The following ZFHX3 variants were observed in gnomAD, a reference collection of about 807,000 sequenced individuals.
The protein encoded by ZFHX3 is zinc finger homeobox protein 3.
A neutral mutation model predicts 279.1 loss-of-function variants in ZFHX3; 42 were observed. The observed-to-expected ratio is 0.15, with a 90% CI of 0.12 to 0.19. The LOEUF (loss-of-function observed/expected upper bound fraction) is 0.19, where lower values mean the gene tolerates loss of function less well. Among genes scored for constraint, ZFHX3 ranks in the 10% least tolerant of loss-of-function variants. The pLI is 1.00. For synonymous variants in ZFHX3, 2,293 were observed against 1,957.8 expected, an observed-to-expected ratio of 1.17 and a Z score of -4.52; for missense variants, 4,981 against 4,754.0, an observed-to-expected ratio of 1.05 and a Z score of -1.40.
intron 4 of ZFHX3, among the ~76,000 whole-genome samples, chr16:72,867,706 TAG>T (rs751331554): frequency 2.5e-4 from 30 of 121,686 alleles, no homozygotes; most frequent in Admixed American, 1.5e-3. Context: ...ACCCCCAGAG[TAG>T]ACTCTTTGAC....
intron 3 of ZFHX3, among the ~76,000 whole-genome samples, chr16:73,407,558 T>G (rs1471826527): frequency 6.6e-6 from 1 of 152,158 alleles, no homozygotes; most frequent in Non-Finnish European, 1.5e-5. Context: ...GACCACAGCA[T>G]GAGGGAGTGG....
intron 5 of ZFHX3, among the ~76,000 whole-genome samples, chr16:73,167,843 C>T (rs1967408658): frequency 6.6e-6 from 1 of 152,212 alleles, no homozygotes; most frequent in African/African-American, 2.4e-5. Flanking sequence ...TGAACCTTTT[C>T]AGACACTTCT....
At chr16:73,146,145 C>A (rs1033659646) in intron 5 of ZFHX3, among the ~76,000 whole-genome samples, 1 of 152,098 alleles carries the variant, frequency 6.6e-6, no homozygotes, top group South Asian at 2.1e-4. Flanking sequence ...AAAAAATGAT[C>A]TGGGCCGGGT....
intron 1 of ZFHX3, among the ~76,000 whole-genome samples, chr16:73,692,377 C>A (rs1326175892): frequency 1.3e-5 from 2 of 152,102 alleles, no homozygotes; most frequent in Admixed American, 6.6e-5. Flanking sequence ...GTGTTTAACA[C>A]CCTTTTTATA....
intron 5 of ZFHX3, among the ~76,000 whole-genome samples, chr16:73,242,777 C>G (rs1248018174): frequency 6.6e-6 from 1 of 152,186 alleles, no homozygotes; most frequent in Non-Finnish European, 1.5e-5. Flanking sequence ...ACAAGCCTGT[C>G]TTAACGAGCG....
At position 73,797,807 on chromosome 16, in the gene ZFHX3, C is replaced by CTTT. The variant is rs35369374; in HGVS notation, c.-1608+93841_-1608+93843dup. Among the ~76,000 whole-genome samples, 138 of 82,900 alleles carry CTTT rather than the reference C, an allele frequency of 1.7e-3. 1 individual carries two copies. Among genetic ancestry groups the CTTT allele is most frequent in the African/African-American group, 4.2e-3 (89 of 21,394 alleles). 54.4% of individuals were successfully genotyped at this position (82,900 alleles called of 152,430 possible). A position where few individuals can be genotyped will look rare whatever the true frequency, so the allele number is the denominator to read the frequency against. On this transcript the variant is annotated intron_variant, in intron 1 of 17. Transcript: ENST00000641206. ...ATGTATAGGACAAGCCTTCTGAAGACTTTTTTTTTTTTTTTTTTTTTTTTG... is the reference window on the plus strand; with the variant it reads ...ATGTATAGGACAAGCCTTCTGAAGACTTTTTTTTTTTTTTTTTTTTTTTTTTTG...
intron 2 of ZFHX3, among the ~76,000 whole-genome samples, chr16:73,560,594 A>G (rs1444361063): frequency 6.6e-6 from 1 of 152,212 alleles, no homozygotes; most frequent in Non-Finnish European, 1.5e-5. Context: ...CCAGGTCTGG[A>G]GGATAAAATC....
chr16:73,433,415 G>A (rs914178331), intron 3 of ZFHX3, among the ~76,000 whole-genome samples: 3 of 152,084 alleles, frequency 2.0e-5, no homozygotes, highest in Non-Finnish European at 2.9e-5. Flanking sequence ...AATAGATACC[G>A]CATCAAAAAC....
At chr16:72,993,829 G>A (rs764569544) in intron 1 of ZFHX3, among the ~76,000 whole-genome samples, 7 of 152,172 alleles carry the variant, frequency 4.6e-5, no homozygotes, top group African/African-American at 1.2e-4. Flanking sequence ...CACCCTAGAC[G>A]TCTTCAAACT....
intron 2 of ZFHX3, among the ~76,000 whole-genome samples, chr16:73,576,436 G>A (rs1343508925): frequency 6.6e-6 from 1 of 152,174 alleles, no homozygotes; most frequent in South Asian, 2.1e-4. Context: ...CTGAGTGATG[G>A]TCAAGAATAG....
intron 2 of ZFHX3, among the ~76,000 whole-genome samples, chr16:73,536,642 G>C (rs904147907): frequency 1.3e-5 from 2 of 152,110 alleles, no homozygotes; most frequent in African/African-American, 4.8e-5. Flanking sequence ...ATGTTGCTGT[G>C]TGTGCCACCT....
intron 1 of ZFHX3, among the ~76,000 whole-genome samples, chr16:73,021,031 C>T (rs1225543651): frequency 6.6e-6 from 1 of 152,150 alleles, no homozygotes; most frequent in Non-Finnish European, 1.5e-5. Context: ...AGGGTATAGG[C>T]CCAAGGACTT....
chr16:73,317,502 T>A (rs891752786), intron 4 of ZFHX3, among the ~76,000 whole-genome samples: 1 of 152,202 alleles, frequency 6.6e-6, no homozygotes, highest in African/African-American at 2.4e-5. Context: ...AAATCGTATT[T>A]AATCAGCACA....
intron 2 of ZFHX3, among the ~76,000 whole-genome samples, chr16:73,670,828 G>A (rs909053216): frequency 6.6e-6 from 1 of 152,116 alleles, no homozygotes; most frequent in African/African-American, 2.4e-5. Flanking sequence ...ATTCAACAAA[G>A]TAAAGAGTAG....
At chr16:73,365,709 C>G (rs1442865411) in intron 3 of ZFHX3, among the ~76,000 whole-genome samples, 1 of 152,198 alleles carries the variant, frequency 6.6e-6, no homozygotes, top group South Asian at 2.1e-4. Context: ...TCTGTATCAG[C>G]CCTCTGGCCC....
rs1555510881 is a variant in ZFHX3, at chr16:73,337,899, G to GT, written c.-1290-19564_-1290-19563insA. Among the ~76,000 whole-genome samples the GT allele has an allele frequency of 5.0e-5, 7 of 140,484 alleles. 1 individual carries two copies. In the East Asian group the frequency reaches 8.5e-4, roughly 17 times the overall value. 92.2% of individuals were successfully genotyped at this position (140,484 alleles called of 152,430 possible). ...GTCTTCATCTTCCCTTGGCGGGGGG[G>GT]GGGGTCCTCATCCCCTTTTTATGCC... On this transcript the variant is annotated intron_variant, in intron 3 of 17. Coordinates refer to the ZFHX3 transcript ENST00000641206.
At chr16:73,776,826 G>A (rs1959263375) in intron 1 of ZFHX3, among the ~76,000 whole-genome samples, 1 of 152,110 alleles carries the variant, frequency 6.6e-6, no homozygotes. Context: ...ATTCCCGCCT[G>A]AACCGTTCGC....
intron 1 of ZFHX3, among the ~76,000 whole-genome samples, chr16:73,885,522 G>C (rs1265301182): frequency 1.3e-5 from 2 of 152,104 alleles, no homozygotes; most frequent in African/African-American, 4.8e-5. Context: ...TGTTTTCTAA[G>C]AAAGTGTGAT....
At chr16:73,112,963 T>G (rs934431122) in intron 7 of ZFHX3, among the ~76,000 whole-genome samples, 1 of 151,996 alleles carries the variant, frequency 6.6e-6, no homozygotes, top group Non-Finnish European at 1.5e-5. Context: ...ACAGCAGCCC[T>G]GCGCCTTGGT....
Sources: gnomAD v4.1 joint callset for allele counts (sites outside exome capture counted in the v4.1 genomes callset) on GRCh38, gnomAD v4.1.1 for gene constraint, MANE v1.5 for transcripts, NCBI Gene and HGNC (gene_info 2026-07-23, HGNC 2026-07-21) for gene names.